Variants in TENM3 observed in about 807,000 individuals in gnomAD.
TENM3 encodes the protein teneurin transmembrane protein 3.
A neutral mutation model predicts 255.1 loss-of-function variants in TENM3; 63 were observed. The ratio of observed to expected loss-of-function variants is 0.25; its 90% CI spans 0.20 to 0.30. The LOEUF is 0.30. Among genes scored for constraint, TENM3 ranks in the 10% least tolerant of loss-of-function variants. The probability of loss-of-function intolerance (pLI) is 1.00; values close to 1 mark genes in which losing one functional copy is unlikely to be tolerated. For synonymous variants in TENM3, 1,306 were observed against 1,322.3 expected (o/e 0.99, Z 0.27); for missense variants, 2,929 against 3,461.1 (o/e 0.85, Z 3.86).
intron 12 of TENM3, chr4:182,707,928 G>A (rs1304645020): frequency 6.6e-6 from 1 of 152,176 alleles, no homozygotes; most frequent in Non-Finnish European, 1.5e-5. Context: ...TGGCTTTGGA[G>A]AACGAAGTGT....
At chr4:181,510,095 C>T in the TENM3 span, among the ~76,000 whole-genome samples, 2 of 152,290 alleles carry the variant, frequency 1.3e-5, no homozygotes, top group African/African-American at 2.4e-5. Context: ...AAATGTCTTA[C>T]GTGGGTGTGT....
In TENM3 at chr4:182,392,179, A is replaced by G. The variant is rs193141494; in HGVS notation, c.511+45250A>G. ...ATAAGGCTGTGGGATGTGAACAGTG[A>G]AGGGTCGTTCTTCCTCTAAGCGGCT... On this transcript the variant is annotated intron_variant, in intron 3 of 27. Transcript: ENST00000511685. Among the ~76,000 whole-genome samples the G allele has an allele frequency of 3.8e-3, 584 of 152,322 alleles. 5 individuals carry two copies. The highest frequency in any genetic ancestry group is 0.013 in the African/African-American group (561 of 41,578).
At chr4:181,616,221 T>G in the TENM3 span, among the ~76,000 whole-genome samples, 1 of 146,524 alleles carries the variant, frequency 6.8e-6, no homozygotes, top group Admixed American at 7.0e-5. Context: ...GTATTCCATA[T>G]GCTAATATTT....
the TENM3 span, among the ~76,000 whole-genome samples, chr4:181,557,342 G>T: frequency 6.6e-6 from 1 of 152,118 alleles, no homozygotes; most frequent in Non-Finnish European, 1.5e-5. Flanking sequence ...TTCCTACTTT[G>T]CAGTTGCGTT....
intron 18 of TENM3, among the ~76,000 whole-genome samples, 175 bp downstream of exon 18, chr4:182,738,719 T>G (rs1167241931): frequency 6.6e-6 from 1 of 152,120 alleles, no homozygotes; most frequent in African/African-American, 2.4e-5. Context: ...AAGCCTAAAG[T>G]GGGAACTGTA....
chr4:182,747,398 T>C (rs1218584428), intron 19 of TENM3, among the ~76,000 whole-genome samples: 2 of 152,220 alleles, frequency 1.3e-5, no homozygotes, highest in African/African-American at 4.8e-5. Context: ...AATTCTTAGC[T>C]ATACTTTAGT....
intron 3 of TENM3, among the ~76,000 whole-genome samples, chr4:182,464,560 T>TA (rs1732411093): frequency 1.3e-5 from 2 of 152,194 alleles, no homozygotes; most frequent in African/African-American, 4.8e-5. Flanking sequence ...CCAGGCCTGT[T>TA]ACAATACTTT....
At chr4:182,233,202 G>A (rs947809403) in intron 1 of TENM3, among the ~76,000 whole-genome samples, 1 of 152,102 alleles carries the variant, frequency 6.6e-6, no homozygotes, top group African/African-American at 2.4e-5. Flanking sequence ...CAGCGGTGAG[G>A]GAATGACAGA....
At chr4:181,814,296 T>C in the TENM3 span, among the ~76,000 whole-genome samples, 4 of 152,070 alleles carry the variant, frequency 2.6e-5, no homozygotes, top group Admixed American at 2.0e-4. Context: ...ATACAATATA[T>C]TATATTATTA....
the TENM3 span, among the ~76,000 whole-genome samples, chr4:181,889,021 G>C: frequency 6.6e-6 from 1 of 151,992 alleles, no homozygotes; most frequent in Non-Finnish European, 1.5e-5. Flanking sequence ...AAGGAATACT[G>C]TTTCACCAGC....
chr4:181,773,655 T>C, the TENM3 span, among the ~76,000 whole-genome samples: 3 of 152,212 alleles, frequency 2.0e-5, no homozygotes, highest in Non-Finnish European at 4.4e-5. Context: ...ACTGTGACCC[T>C]GAAACAAATG....
intron 3 of TENM3, among the ~76,000 whole-genome samples, chr4:182,488,097 T>G (rs1487595470): frequency 6.6e-6 from 1 of 152,202 alleles, no homozygotes; most frequent in Non-Finnish European, 1.5e-5. Flanking sequence ...TGCTTGCAAG[T>G]GATGACAAAC....
chr4:182,037,395 G>A, the TENM3 span, among the ~76,000 whole-genome samples: 101 of 152,194 alleles, frequency 6.6e-4, no homozygotes, highest in South Asian at 7.5e-3. Flanking sequence ...TGATCCACCC[G>A]CTTCGGCCTC....
chr4:182,575,447 C>T (rs1215617399), intron 3 of TENM3, among the ~76,000 whole-genome samples: 5 of 152,128 alleles, frequency 3.3e-5, no homozygotes, highest in South Asian at 2.1e-4. Context: ...GAACGAGTGG[C>T]GGCTGTGTTC....
At chr4:181,459,196 C>T in the TENM3 span, among the ~76,000 whole-genome samples, 1 of 151,790 alleles carries the variant, frequency 6.6e-6, no homozygotes, top group Non-Finnish European at 1.5e-5. Context: ...TATGGGATAG[C>T]TTCTTTTGTA....
At chr4:182,455,111 A>G (rs1773762800) in intron 3 of TENM3, among the ~76,000 whole-genome samples, 1 of 152,216 alleles carries the variant, frequency 6.6e-6, no homozygotes, top group Non-Finnish European at 1.5e-5. Flanking sequence ...TAACACTAAA[A>G]TCTCAGGGAC....
the TENM3 span, among the ~76,000 whole-genome samples, chr4:181,744,646 T>C: frequency 2.0e-5 from 3 of 152,034 alleles, no homozygotes; most frequent in African/African-American, 7.2e-5. Context: ...TTGCAAAAAA[T>C]AGTCCAGGTG....
the TENM3 span, among the ~76,000 whole-genome samples, chr4:181,932,042 A>T: frequency 1.3e-5 from 2 of 152,162 alleles, no homozygotes; most frequent in Non-Finnish European, 2.9e-5. Context: ...ACTTAAACAT[A>T]AAACCTAAAA....
At chr4:182,556,545 A>G (rs1263757773) in intron 3 of TENM3, among the ~76,000 whole-genome samples, 2 of 152,214 alleles carry the variant, frequency 1.3e-5, no homozygotes, top group Non-Finnish European at 2.9e-5. Flanking sequence ...TTTCTTTTCT[A>G]AAGAATTATT....
Sources: allele counts gnomAD v4.1 joint callset (sites outside exome capture counted in the v4.1 genomes callset), GRCh38; gene constraint gnomAD v4.1.1; transcripts MANE v1.5; gene names NCBI Gene and HGNC (gene_info 2026-07-23, HGNC 2026-07-21).